GTF2E1: variants seen among roughly 807,000 people sequenced by gnomAD.
The protein encoded by GTF2E1 is TFIIE alpha subunit.
GTF2E1 carries 14 observed loss-of-function variants against 34.9 expected under a neutral mutation model. That is an observed-to-expected ratio of 0.40 (90% CI 0.27 to 0.63). The LOEUF is 0.63. Among genes scored for constraint, GTF2E1 ranks in the 20% least tolerant of loss-of-function variants. The pLI is 0.39. For synonymous variants in GTF2E1, 188 were observed against 192.9 expected (o/e 0.97, Z 0.21); for missense variants, 469 against 557.7 (o/e 0.84, Z 1.60).
intron 2 of GTF2E1, 21 bp from the exon 3 acceptor site, chr3:120,770,707 A>G (rs1709343833): frequency 1.3e-6 from 2 of 1,578,770 alleles, no homozygotes; most frequent in African/African-American, 1.3e-5. Context: ...CTCTGACCTG[A>G]GATACTTGTT....
intron 4 of GTF2E1, among the ~76,000 whole-genome samples, chr3:120,778,955 G>A (rs2107614154): frequency 6.6e-6 from 1 of 152,114 alleles, no homozygotes; most frequent in East Asian, 1.9e-4. Flanking sequence ...TTTTTTTGCT[G>A]CAACTTGGCC....
chr3:120,777,098 T>C (rs1198946875), intron 4 of GTF2E1, among the ~76,000 whole-genome samples: 4 of 152,112 alleles, frequency 2.6e-5, no homozygotes, highest in African/African-American at 4.8e-5. Context: ...CTACCTGAAA[T>C]AGATACAAAG....
intron 1 of GTF2E1, among the ~76,000 whole-genome samples, chr3:120,750,241 A>G (rs985207718): frequency 2.6e-5 from 4 of 152,208 alleles, no homozygotes; most frequent in Non-Finnish European, 4.4e-5. Flanking sequence ...TTCTCTTCTG[A>G]AGTAAAGTAG....
rs532660822 is a variant in GTF2E1 at position 120,768,058 on chromosome 3, A to T, written c.449-2670A>T. Among the ~76,000 whole-genome samples, 3 of 152,274 alleles carry T rather than the reference A, an allele frequency of 2.0e-5. No individual in the cohort carries two copies. The East Asian group carries it at 5.8e-4, about 29-fold the overall frequency. ...GGAGTACATATTGTCTTAAAATGAGAAATGGGGTATTTGGGAGGACATTTT... is the reference window on the plus strand; with the variant it reads ...GGAGTACATATTGTCTTAAAATGAGTAATGGGGTATTTGGGAGGACATTTT... On this transcript the variant is annotated intron_variant, in intron 2 of 4. Transcript: ENST00000283875.
Position 120,781,045 on chromosome 3 carries a change from G to T in GTF2E1, c.895G>T (p.Gly299Cys). 1 of 1,604,314 alleles carries T rather than the reference G, an allele frequency of 6.2e-7. No homozygotes were observed. Among genetic ancestry groups the T allele is most frequent in the Non-Finnish European group, 8.5e-7 (1 of 1,172,808 alleles). Reference protein sequence around the residue: ...AYGSEDMKEGGIDMDAFQERE... With the variant: ...AYGSEDMKEGCIDMDAFQERE... ...ACTTTCTGAGTTTTACTCCCCAGGGGGCATAGATATGGACGCATTTCAGGA... is the reference window on the plus strand; with the variant it reads ...ACTTTCTGAGTTTTACTCCCCAGGGTGCATAGATATGGACGCATTTCAGGA... The change falls in exon 5 of 5, where the codon GGC (glycine) becomes TGC (cysteine). Residue 299 changes from glycine to cysteine, a missense_variant and splice_region_variant. Transcript: ENST00000283875.
At position 120,776,486 on chromosome 3, in the gene GTF2E1, A is replaced by T. The variant is rs535752647; in HGVS notation, c.714A>T (p.Ala238=). 3.7e-6 allele frequency: 6 copies of T among 1,613,974 alleles called. No individual in the cohort carries two copies. The East Asian group carries it at 1.1e-4, about 30-fold the overall frequency. The change falls in exon 4 of 5, where the codon GCA becomes GCT. Residue 238 remains alanine (A), a synonymous_variant. Coordinates refer to ENST00000283875, the MANE Select transcript of GTF2E1 (RefSeq NM_005513.3). ...TAGCAGGTGGGCACCACCGGGAAGC[A>T]TGGGCCACCAAAGGTCCTTCCTATG... The part of the protein sequence containing the change: ...ASLAGGHHRE[A]WATKGPSYED...
intron 1 of GTF2E1, chr3:120,750,042 A>C (rs887143171): frequency 1.8e-4 from 27 of 154,176 alleles, no homozygotes; most frequent in Admixed American, 4.5e-4. Flanking sequence ...GTGATTACTC[A>C]TGTGTTTATT....
chr3:120,780,268 T>C (rs1256714541), intron 4 of GTF2E1, among the ~76,000 whole-genome samples: 1 of 152,172 alleles, frequency 6.6e-6, no homozygotes. Flanking sequence ...AGACAATAGA[T>C]GTAAGTTATT....
At chr3:120,745,036 G>A (rs1420778241) in intron 1 of GTF2E1, among the ~76,000 whole-genome samples, 1 of 151,952 alleles carries the variant, frequency 6.6e-6, no homozygotes, top group African/African-American at 2.4e-5. Flanking sequence ...ACCTCAGCTG[G>A]TACTACAGGT....
intron 2 of GTF2E1, among the ~76,000 whole-genome samples, chr3:120,767,720 T>A (rs76191472): frequency 0.017 from 2,607 of 152,250 alleles, 46 homozygotes; most frequent in Middle Eastern, 0.037. Context: ...CCCTTCACAG[T>A]TCTTAGTAAT....
At chr3:120,749,756 A>C (rs1709146299) in intron 1 of GTF2E1, 1 of 152,150 alleles carries the variant, frequency 6.6e-6, no homozygotes, top group African/African-American at 2.4e-5. Flanking sequence ...CCAGGTTTTT[A>C]AAGTAAACTA....
rs1225070909 is a variant in GTF2E1 at position 120,777,749 on chromosome 3, G to A, written c.892+1085G>A. 3.9e-5 allele frequency among the ~76,000 whole-genome samples: 6 copies of A among 152,058 alleles called. No homozygotes were observed. In the South Asian group the frequency reaches 6.2e-4, roughly 16 times the overall value. ...AGCCTGCCATGTTAGTTTTTTTGAC[G>A]GAGTCTCGCTCTGTTGCCTAGGTTG... On this transcript the variant is annotated intron_variant, in intron 4 of 4. Transcript: ENST00000283875.
chr3:120,767,530 T>C (rs1326943800), intron 2 of GTF2E1, among the ~76,000 whole-genome samples: 1 of 152,186 alleles, frequency 6.6e-6, no homozygotes, highest in Non-Finnish European at 1.5e-5. Flanking sequence ...TACCTGGCCC[T>C]TCTATCGCAC....
intron 2 of GTF2E1, among the ~76,000 whole-genome samples, chr3:120,765,096 T>C (rs1358483251): frequency 1.5e-5 from 2 of 131,978 alleles, no homozygotes; most frequent in Non-Finnish European, 3.1e-5. Context: ...AAAATTAAAA[T>C]GGTGTAGAAC....
At chr3:120,746,449 A>G (rs926820211) in intron 1 of GTF2E1, among the ~76,000 whole-genome samples, 2 of 151,770 alleles carry the variant, frequency 1.3e-5, no homozygotes, top group African/African-American at 4.8e-5. Context: ...AGCTTGCGCC[A>G]CTGCACTCCA....
intron 1 of GTF2E1, among the ~76,000 whole-genome samples, chr3:120,747,880 T>C (rs958629076): frequency 2.6e-5 from 4 of 152,212 alleles, no homozygotes; most frequent in Non-Finnish European, 2.9e-5. Context: ...TAAAAGTCTG[T>C]TCCTATTTCT....
chr3:120,780,628 C>A (rs1488363294), intron 4 of GTF2E1, among the ~76,000 whole-genome samples: 3 of 151,162 alleles, frequency 2.0e-5, no homozygotes, highest in African/African-American at 7.4e-5. Flanking sequence ...AGATAAAGAG[C>A]CATGTTTTGA....
intron 1 of GTF2E1, among the ~76,000 whole-genome samples, chr3:120,743,232 A>G (rs1228941285): frequency 6.6e-6 from 1 of 152,242 alleles, no homozygotes; most frequent in Non-Finnish European, 1.5e-5. Context: ...GTGGCGATTT[A>G]CTGAAGTAAT....
chr3:120,744,088 T>G (rs1709083502), intron 1 of GTF2E1, among the ~76,000 whole-genome samples: 1 of 152,206 alleles, frequency 6.6e-6, no homozygotes, highest in Non-Finnish European at 1.5e-5. Flanking sequence ...CTTCAGCTTA[T>G]TGTTTCCATG....
Sources: gnomAD v4.1 joint callset for allele counts (sites outside exome capture counted in the v4.1 genomes callset) on GRCh38, gnomAD v4.1.1 for gene constraint, MANE v1.5 for transcripts, NCBI Gene and HGNC (gene_info 2026-07-23, HGNC 2026-07-21) for gene names.